PCDH15: variants seen among roughly 807,000 people sequenced by gnomAD.
The protein encoded by PCDH15 is protocadherin-15.
A neutral mutation model predicts 178.5 loss-of-function variants in PCDH15; 129 were observed. That is an observed-to-expected ratio of 0.72 (90% confidence interval 0.63 to 0.84). PCDH15 has a LOEUF of 0.84. Ranked by LOEUF, PCDH15 falls within the 40% of genes least tolerant of loss-of-function variation. PCDH15 has a pLI of 0.00. For synonymous variants in PCDH15, 800 were observed against 732.0 expected, an observed-to-expected ratio of 1.09 and a Z score of -1.50; for missense variants, 2,230 against 2,099.9, an observed-to-expected ratio of 1.06 and a Z score of -1.21.
At chr10:54,088,899 T>C (rs1327464033) in intron 16 of PCDH15, among the ~76,000 whole-genome samples, 2 of 152,042 alleles carry the variant, frequency 1.3e-5, no homozygotes, top group African/African-American at 4.8e-5. Context: ...ATATCTATCT[T>C]TATGCTAATA....
rs1939028582 is a variant in PCDH15 at position 54,329,710 on chromosome 10, C to A, written c.595-4G>T. The A allele has an allele frequency of 1.3e-6, 2 of 1,513,516 alleles. No homozygotes were observed. The highest frequency in any genetic ancestry group is 1.1e-5 in the South Asian group (1 of 89,076). 93.8% of individuals were successfully genotyped at this position (1,513,516 alleles called of 1,614,324 possible). A position where few individuals can be genotyped will look rare whatever the true frequency, so the allele number is the denominator to read the frequency against. On this transcript the variant is annotated splice_polypyrimidine_tract_variant and splice_region_variant and intron_variant, in intron 6 of 37. Transcript: ENST00000644397. Reference sequence around the variant, plus strand: ...TTTCAAAGGTGTCATTGGATGTCTGCAAATATTAAAGATACAGACTTCAGA... The same window carrying A: ...TTTCAAAGGTGTCATTGGATGTCTGAAAATATTAAAGATACAGACTTCAGA...
At chr10:55,394,078 AAG>A (rs1294725196) in intron 2 of PCDH15, among the ~76,000 whole-genome samples, 2 of 152,030 alleles carry the variant, frequency 1.3e-5, no homozygotes, top group Non-Finnish European at 2.9e-5. Flanking sequence ...TCCCTCTTTG[AAG>A]AGAGAGCATC....
rs781620025 is a variant in PCDH15 at position 54,750,985 on chromosome 10, A to G, written c.-29+49940T>C. On this transcript the variant is annotated intron_variant, in intron 1 of 37. Coordinates refer to ENST00000644397, the MANE Select transcript of PCDH15 (RefSeq NM_001384140.1). ...CACTGGCAACAGTAATAAACAATTTATGGCTTTCTAATAAACAGATACGTG... is the reference window on the plus strand; with the variant it reads ...CACTGGCAACAGTAATAAACAATTTGTGGCTTTCTAATAAACAGATACGTG... 3.3e-5 allele frequency among the ~76,000 whole-genome samples: 5 copies of G among 152,146 alleles called. No homozygotes were observed. In the South Asian group the frequency reaches 6.2e-4, roughly 19 times the overall value.
intron 2 of PCDH15, among the ~76,000 whole-genome samples, chr10:55,059,546 T>G (rs958627733): frequency 6.6e-6 from 1 of 152,170 alleles, no homozygotes; most frequent in African/African-American, 2.4e-5. Flanking sequence ...AGATGAACAA[T>G]AGATAAATAA....
chr10:55,331,413 T>C (rs1001367546), intron 2 of PCDH15, among the ~76,000 whole-genome samples: 5 of 152,000 alleles, frequency 3.3e-5, no homozygotes, highest in Admixed American at 6.6e-5. Context: ...GGTTACAATA[T>C]TTTTTAGTAT....
chr10:54,720,550 C>T (rs1941422808), intron 1 of PCDH15, among the ~76,000 whole-genome samples: 1 of 151,182 alleles, frequency 6.6e-6, no homozygotes, highest in Non-Finnish European at 1.5e-5. Context: ...ATTTTATATC[C>T]TGCCAAATGA....
rs892103790 is a variant in PCDH15 at position 53,991,328 on chromosome 10, G to A, written c.2868+4321C>T. Among the ~76,000 whole-genome samples the A allele has an allele frequency of 3.3e-5, 5 of 152,272 alleles. No homozygotes were observed. In the South Asian group the frequency reaches 8.3e-4, roughly 25 times the overall value. ...TATGTCTAGCTGGAGGATTGTACATGCACCAATCAGCACTCTGTGTCTAGC... is the reference window on the plus strand; with the variant it reads ...TATGTCTAGCTGGAGGATTGTACATACACCAATCAGCACTCTGTGTCTAGC... On this transcript the variant is annotated intron_variant, in intron 21 of 37. Transcript: ENST00000644397.
At chr10:54,963,023 C>A (rs759276136) in intron 2 of PCDH15, among the ~76,000 whole-genome samples, 2 of 152,192 alleles carry the variant, frequency 1.3e-5, no homozygotes, top group African/African-American at 2.4e-5. Flanking sequence ...TCAAGTACAT[C>A]TAACTATAAC....
intron 2 of PCDH15, among the ~76,000 whole-genome samples, chr10:54,650,997 A>G (rs574906557): frequency 1.3e-5 from 2 of 152,276 alleles, no homozygotes; most frequent in East Asian, 3.9e-4. Context: ...AGAAGGCACT[A>G]AATACAATCA....
chr10:55,045,044 T>C (rs943597103), intron 2 of PCDH15, among the ~76,000 whole-genome samples: 18 of 152,122 alleles, frequency 1.2e-4, no homozygotes, highest in African/African-American at 4.1e-4. Flanking sequence ...TCTCAAGTGA[T>C]ACATTTTTAC....
At chr10:54,672,809 T>C (rs1050763774) in intron 1 of PCDH15, among the ~76,000 whole-genome samples, 1 of 152,154 alleles carries the variant, frequency 6.6e-6, no homozygotes, top group Admixed American at 6.6e-5. Flanking sequence ...CTGTTTCTTA[T>C]ATTGAACAAA....
chr10:54,754,438 C>A (rs879337309), intron 1 of PCDH15, among the ~76,000 whole-genome samples: 4 of 151,864 alleles, frequency 2.6e-5, no homozygotes, highest in Non-Finnish European at 5.9e-5. Flanking sequence ...AATATAAAAT[C>A]AAAATTAAGT....
chr10:55,272,814 A>AT (rs1474375991), intron 1 of PCDH15, among the ~76,000 whole-genome samples: 1 of 151,848 alleles, frequency 6.6e-6, no homozygotes, highest in Non-Finnish European at 1.5e-5. Context: ...ACTTGGATGG[A>AT]TTTTTCTACT....
chr10:54,025,436 T>C (rs938128328), intron 18 of PCDH15, among the ~76,000 whole-genome samples: 3 of 152,012 alleles, frequency 2.0e-5, no homozygotes, highest in Admixed American at 6.6e-5. Context: ...ATGGTTGTCA[T>C]GTGAGGACCA....
intron 18 of PCDH15, among the ~76,000 whole-genome samples, chr10:54,049,870 C>T (rs1289726553): frequency 6.6e-6 from 1 of 152,160 alleles, no homozygotes; most frequent in Non-Finnish European, 1.5e-5. Context: ...CCACCCTCCT[C>T]GGCCTCCCAA....
At chr10:55,223,403 T>A (rs1277182327) in intron 1 of PCDH15, among the ~76,000 whole-genome samples, 2 of 152,146 alleles carry the variant, frequency 1.3e-5, no homozygotes, top group Non-Finnish European at 2.9e-5. Context: ...GGTAATTATT[T>A]TGGTTTGTTT....
At chr10:55,227,255 A>C (rs932568756) in intron 1 of PCDH15, among the ~76,000 whole-genome samples, 23 of 152,120 alleles carry the variant, frequency 1.5e-4, no homozygotes, top group Admixed American at 3.3e-4. Context: ...AAATCGATAA[A>C]TGTTTTTAAA....
chr10:54,959,351 A>C (rs1838582812), intron 2 of PCDH15, among the ~76,000 whole-genome samples: 1 of 152,016 alleles, frequency 6.6e-6, no homozygotes, highest in Non-Finnish European at 1.5e-5. Context: ...ATGCCAAGTA[A>C]TATATGTAGA....
At chr10:54,703,677 CA>C (rs1252920085) in intron 1 of PCDH15, among the ~76,000 whole-genome samples, 2 of 151,730 alleles carry the variant, frequency 1.3e-5, no homozygotes, top group East Asian at 3.9e-4. Context: ...ACCAGGGAGG[CA>C]AAAGGTACCT....
Sources: allele counts gnomAD v4.1 joint callset (sites outside exome capture counted in the v4.1 genomes callset), GRCh38; gene constraint gnomAD v4.1.1; transcripts MANE v1.5; gene names NCBI Gene and HGNC (gene_info 2026-07-23, HGNC 2026-07-21).